The following SLC67A2 variants were observed in gnomAD, a reference collection of about 807,000 sequenced individuals.
The protein encoded by SLC67A2 is solute carrier family 67 member 2, also known as solute carrier family 67 member A2.
the SLC67A2 span, among the ~76,000 whole-genome samples, chr2:102,728,459 C>A: frequency 6.6e-6 from 1 of 152,150 alleles, no homozygotes; most frequent in Non-Finnish European, 1.5e-5. Flanking sequence ...ATATGTTTAT[C>A]TTTTTCTTAA....
chr2:102,720,513 G>A, the SLC67A2 span, among the ~76,000 whole-genome samples: 4 of 152,122 alleles, frequency 2.6e-5, no homozygotes, highest in Non-Finnish European at 4.4e-5. Flanking sequence ...CATGGAGTTC[G>A]TAAGTGTGAA....
the SLC67A2 span, chr2:102,732,352 C>A: frequency 6.2e-7 from 1 of 1,613,716 alleles, no homozygotes; most frequent in South Asian, 1.1e-5. Context: ...GGACTTGCTC[C>A]AAGGGACTTG....
the SLC67A2 span, among the ~76,000 whole-genome samples, chr2:102,726,357 G>A: frequency 1.3e-5 from 2 of 152,306 alleles, no homozygotes; most frequent in East Asian, 3.9e-4. Context: ...TAAACAGGAA[G>A]GAGACAAGTC....
chr2:102,736,583 C>A, the SLC67A2 span: 2 of 1,612,904 alleles, frequency 1.2e-6, no homozygotes, highest in Middle Eastern at 1.7e-4. Flanking sequence ...CTCCAAGAAC[C>A]GCCTGGGTCC....
the SLC67A2 span, chr2:102,723,675 A>C: frequency 6.2e-7 from 1 of 1,608,406 alleles, no homozygotes; most frequent in African/African-American, 1.3e-5. Context: ...TACACAAAAC[A>C]ATCTTCTCAT....
At chr2:102,730,038 A>G in the SLC67A2 span, among the ~76,000 whole-genome samples, 1 of 152,174 alleles carries the variant, frequency 6.6e-6, no homozygotes, top group Non-Finnish European at 1.5e-5. Context: ...GTGAGACTAA[A>G]TAGACTATTC....
the SLC67A2 span, among the ~76,000 whole-genome samples, chr2:102,734,823 T>C: frequency 6.6e-6 from 1 of 152,170 alleles, no homozygotes; most frequent in Non-Finnish European, 1.5e-5. Context: ...AAAGAAAACA[T>C]ATGATAAATT....
the SLC67A2 span, chr2:102,726,740 T>C: frequency 1.4e-6 from 2 of 1,462,046 alleles, no homozygotes; most frequent in Non-Finnish European, 1.8e-6. Context: ...AGTAAGGATG[T>C]TGAGCAAGAC....
the SLC67A2 span, chr2:102,716,540 T>G: frequency 6.6e-6 from 1 of 152,230 alleles, no homozygotes; most frequent in African/African-American, 2.4e-5. Flanking sequence ...GAAGTCCATT[T>G]TTCCTTGCAG....
the SLC67A2 span, among the ~76,000 whole-genome samples, chr2:102,730,463 CA>C: frequency 6.6e-6 from 1 of 151,976 alleles, no homozygotes; most frequent in Non-Finnish European, 1.5e-5. Context: ...TCAAAATACA[CA>C]ACTTTAAATA....
At chr2:102,726,308 GAC>G in the SLC67A2 span, among the ~76,000 whole-genome samples, 1 of 152,178 alleles carries the variant, frequency 6.6e-6, no homozygotes, top group African/African-American at 2.4e-5. Context: ...GCTGGCCAAA[GAC>G]ACTTAACAAA....
chr2:102,731,108 C>G, the SLC67A2 span: 2 of 1,578,990 alleles, frequency 1.3e-6, no homozygotes, highest in Non-Finnish European at 1.7e-6. Context: ...TCAGCTAGAG[C>G]TATCACAAAA....
chr2:102,719,862 T>G, the SLC67A2 span, among the ~76,000 whole-genome samples: 1 of 152,176 alleles, frequency 6.6e-6, no homozygotes, highest in Non-Finnish European at 1.5e-5. Context: ...AGCACCTGCT[T>G]GGATCTGCCC....
At chr2:102,729,812 CTAT>C in the SLC67A2 span, among the ~76,000 whole-genome samples, 1 of 152,038 alleles carries the variant, frequency 6.6e-6, no homozygotes, top group Non-Finnish European at 1.5e-5. Context: ...GAGGCTAAAA[CTAT>C]TATTGTAATG....
the SLC67A2 span, chr2:102,723,623 G>C: frequency 2.8e-6 from 4 of 1,409,996 alleles, no homozygotes; most frequent in Non-Finnish European, 4.0e-6. Flanking sequence ...AAAACGAATT[G>C]CAAAGAAATA....
chr2:102,726,917 T>C, the SLC67A2 span: 6 of 1,611,350 alleles, frequency 3.7e-6, no homozygotes, highest in Middle Eastern at 3.3e-4. Context: ...CCCAGAGCAC[T>C]GAGTAGAATG....
chr2:102,715,837 A>C, the SLC67A2 span: 1 of 152,218 alleles, frequency 6.6e-6, no homozygotes, highest in Admixed American at 6.5e-5. Context: ...GAAACACCAC[A>C]AATGTCAATT....
At chr2:102,735,147 T>C in the SLC67A2 span, among the ~76,000 whole-genome samples, 1 of 152,146 alleles carries the variant, frequency 6.6e-6, no homozygotes, top group Non-Finnish European at 1.5e-5. Flanking sequence ...AGCATCCCCA[T>C]GCTGAGAATG....
chr2:102,732,561 C>T, the SLC67A2 span: 219 of 609,854 alleles, frequency 3.6e-4, 2 homozygotes, highest in African/African-American at 3.5e-3. Context: ...CATACAAATC[C>T]GCTGCCACTT....
Sources: gnomAD v4.1 joint callset for allele counts (sites outside exome capture counted in the v4.1 genomes callset) on GRCh38, gnomAD v4.1.1 for gene constraint, MANE v1.5 for transcripts, NCBI Gene and HGNC (gene_info 2026-07-23, HGNC 2026-07-21) for gene names.